The following FREM3 variants were observed in gnomAD, a reference collection of about 807,000 sequenced individuals.
The protein encoded by FREM3 is FRAS1 related extracellular matrix 3.
In FREM3, 105 loss-of-function variants were observed where a neutral mutation model predicts 129.1. The ratio of observed to expected loss-of-function variants is 0.81; its 90% confidence interval spans 0.69 to 0.96. The LOEUF (loss-of-function observed/expected upper bound fraction) is 0.96, where lower values mean the gene tolerates loss of function less well. FREM3 is among the 40% of genes least tolerant of loss of function. The probability of loss-of-function intolerance (pLI) is 0.00; values close to 1 mark genes in which losing one functional copy is unlikely to be tolerated. For synonymous variants in FREM3, 1,014 were observed against 1,044.9 expected (o/e 0.97, Z 0.57); for missense variants, 2,593 against 2,666.3 (o/e 0.97, Z 0.61).
intron 7 of FREM3, among the ~76,000 whole-genome samples, chr4:143,583,680 C>G (rs577490808): frequency 1.3e-5 from 2 of 151,826 alleles, no homozygotes; most frequent in South Asian, 2.1e-4. Context: ...AAAAGAATCT[C>G]AACCAAGAAT....
At position 143,696,808 on chromosome 4, in the gene FREM3, T is replaced by A. The variant is rs754369685; in HGVS notation, c.3868A>T (p.Thr1290Ser). The part of the protein sequence containing the change: ...FEVWLSDGKH[T>S]THRKVPIVVT... ...ACAATGGGTACCTTCCTGTGGGTTG[T>A]GTGCTTGCCGTCACTCAGCCAGACC... The change falls in exon 1 of 8, where the codon ACA becomes TCA. Residue 1290 changes from threonine (T) to serine (S), a missense_variant. Physicochemically the swap from Thr to Ser is moderately conservative, Grantham distance 58. This residue lies in a region of FREM3 where 2,276 missense variants were observed against 2,267.2 expected (regional missense o/e 1.00). Coordinates refer to ENST00000329798, the MANE Select transcript of FREM3 (RefSeq NM_001168235.2). The A allele has an allele frequency of 6.5e-7, 1 of 1,537,818 alleles. No homozygotes were observed. The highest frequency in any genetic ancestry group is 1.2e-5 in the South Asian group (1 of 84,056).
chr4:143,581,256 T>G (rs1168784695), intron 7 of FREM3, among the ~76,000 whole-genome samples: 1 of 152,218 alleles, frequency 6.6e-6, no homozygotes, highest in Non-Finnish European at 1.5e-5. Context: ...CATTGGCGGC[T>G]CTGCATTTCT....
chr4:143,661,359 G>T lies in FREM3; in HGVS notation c.5275+31754C>A, dbSNP rs557914723. On this transcript the variant is annotated intron_variant, in intron 2 of 7. Transcript: ENST00000329798. ...CTATTGAGATAATCAAGTGGTTTTT[G>T]TCTTTGGTTCTGTTTATATGCTGGA... Among the ~76,000 whole-genome samples, 34 of 152,152 alleles carry T rather than the reference G, an allele frequency of 2.2e-4. 1 individual carries two copies. In the South Asian group the frequency reaches 6.9e-3, roughly 31 times the overall value.
intron 2 of FREM3, among the ~76,000 whole-genome samples, chr4:143,647,224 T>C (rs929605184): frequency 7.1e-6 from 1 of 141,004 alleles, no homozygotes; most frequent in African/African-American, 2.5e-5. Flanking sequence ...TTCAGAGATA[T>C]GATTTAAGAT....
Position 143,697,340 on chromosome 4 carries a change from C to A in FREM3, c.3336G>T (p.Gln1112His). 1 of 1,537,178 alleles carries A rather than the reference C, an allele frequency of 6.5e-7. No individual in the cohort carries two copies. Among genetic ancestry groups the A allele is most frequent in the Non-Finnish European group, 8.7e-7 (1 of 1,146,856 alleles). ...TCTTTTCCAGGTAGCCAGAGGCTGG[C>A]TGACTAGTCACTGTGCAGAGGAGTT... ...QDELLCTVTS[Q>H]PASGYLEKIA... is the part of the protein sequence containing the mutation. The change falls in exon 1 of 8, where the codon CAG becomes CAT. Residue 1112 changes from glutamine (Q) to histidine (H), a missense_variant. Coordinates refer to ENST00000329798, the MANE Select transcript of FREM3 (RefSeq NM_001168235.2).
chr4:143,663,053 T>A (rs950467158), intron 2 of FREM3, among the ~76,000 whole-genome samples: 1 of 152,150 alleles, frequency 6.6e-6, no homozygotes, highest in Non-Finnish European at 1.5e-5. Flanking sequence ...CCACTCTGCG[T>A]CTTTTAATTG....
intron 2 of FREM3, among the ~76,000 whole-genome samples, chr4:143,644,402 T>C (rs1050380830): frequency 6.6e-6 from 1 of 152,196 alleles, no homozygotes; most frequent in Non-Finnish European, 1.5e-5. Context: ...AGAATGAGTA[T>C]CTAATAATAA....
intron 6 of FREM3, among the ~76,000 whole-genome samples, chr4:143,608,342 G>A (rs1425791612): frequency 1.3e-5 from 2 of 152,106 alleles, no homozygotes; most frequent in Non-Finnish European, 2.9e-5. Flanking sequence ...TCTTTTGTAA[G>A]GTGGTCCCCA....
In FREM3 at chr4:143,699,904, A is replaced by T; in HGVS notation, c.772T>A (p.Ser258Thr). The change falls in exon 1 of 8, where the codon TCC (serine) becomes ACC (threonine). Residue 258 changes from serine to threonine, a missense_variant. By Grantham distance (58) the Ser-to-Thr change is moderately conservative (BLOSUM62 1). Coordinates refer to ENST00000329798, the MANE Select transcript of FREM3 (RefSeq NM_001168235.2). This position sits in a 1 kb window ranked among gnomAD's most constrained non-coding sequence, Gnocchi z 4.2. ...GGCACGTAGTCACGGTTGGGCGAGG[A>T]GGTGGCTGTGTGCTGATAGCGCACC... is the stretch of plus-strand genomic sequence containing the variant. ...AGVRYQHTAT[S>T]SPNRDYVPMM... 2 of 1,536,496 alleles carry T rather than the reference A, an allele frequency of 1.3e-6. No homozygotes were observed. Among genetic ancestry groups the T allele is most frequent in the Non-Finnish European group, 1.7e-6 (2 of 1,146,754 alleles).
chr4:143,697,630 T>G lies in FREM3; in HGVS notation c.3046A>C (p.Arg1016=). The G allele has an allele frequency of 6.5e-7, 1 of 1,537,828 alleles. No homozygotes were observed. The highest frequency in any genetic ancestry group is 8.7e-7 in the Non-Finnish European group (1 of 1,147,040). ...RFTQEDLING[R]VAYAHTAGEV... Reference sequence around the variant, plus strand: ...CCTGCAGTGTGGGCATAGGCTACTCTCCCATTGATGAGATCCTCTTGGGTG... The same window carrying G: ...CCTGCAGTGTGGGCATAGGCTACTCGCCCATTGATGAGATCCTCTTGGGTG... The change falls in exon 1 of 8, where the codon AGA becomes CGA. Residue 1016 remains arginine, a synonymous_variant. Coordinates refer to ENST00000329798, the MANE Select transcript of FREM3 (RefSeq NM_001168235.2).
chr4:143,595,695 G>T (rs964220316), intron 6 of FREM3, among the ~76,000 whole-genome samples: 1 of 152,144 alleles, frequency 6.6e-6, no homozygotes, highest in South Asian at 2.1e-4. Flanking sequence ...AGACCATCCT[G>T]GCTAACACGG....
chr4:143,590,475 T>C (rs1475402743), intron 6 of FREM3, among the ~76,000 whole-genome samples: 1 of 152,216 alleles, frequency 6.6e-6, no homozygotes, highest in East Asian at 1.9e-4. Flanking sequence ...CAAAGGCCTT[T>C]TCTGCATCTA....
rs1305814320 is a variant in FREM3, at chr4:143,697,066, G to A, written c.3610C>T (p.Leu1204=). 1.3e-6 allele frequency: 2 copies of A among 1,537,470 alleles called. No homozygotes were observed. The highest frequency in any genetic ancestry group is 1.4e-5 in the African/African-American group (1 of 73,026). The stretch of plus-strand genomic sequence containing the variant: ...TCTATGACCAGGCTCATCCCCTCTA[G>A]TACCTTAAACTCATGGGCAAAAAGT... The part of the protein sequence containing the change: ...PKLFAHEFKV[L]EGMSLVIDTQ... The change falls in exon 1 of 8, where the codon CTA becomes TTA. Residue 1204 remains leucine (L), a synonymous_variant. Transcript: ENST00000329798.
rs1411553732 is a variant in FREM3 at position 143,585,750 on chromosome 4, T to G, written c.6178+94A>C. ...CAGAGAAACTTTCATTCAGAGTCCA[T>G]CAACAAAGACTAAGCATGCTTACAC... is the stretch of plus-strand genomic sequence containing the variant. On this transcript the variant is annotated intron_variant, in intron 7 of 7. Coordinates refer to ENST00000329798, the MANE Select transcript of FREM3 (RefSeq NM_001168235.2). The surrounding 1 kb of genome is among the most constrained non-coding windows in gnomAD (Gnocchi z 4.2). 2.3e-6 allele frequency: 3 copies of G among 1,279,622 alleles called. No homozygotes were observed. In the African/African-American group the frequency reaches 4.5e-5, roughly 19 times the overall value. The allele number at this position is 1,279,622 out of a possible 1,614,324, so 79.3% of individuals were successfully genotyped here. A position where few individuals can be genotyped will look rare whatever the true frequency, so the allele number is the denominator to read the frequency against.
intron 6 of FREM3, among the ~76,000 whole-genome samples, chr4:143,600,804 C>A (rs1388877440): frequency 6.6e-6 from 1 of 152,194 alleles, no homozygotes; most frequent in Non-Finnish European, 1.5e-5. Flanking sequence ...TTACTAAATG[C>A]AGAAGAACTT....
chr4:143,604,395 C>T (rs1460452177), intron 6 of FREM3, among the ~76,000 whole-genome samples: 4 of 152,160 alleles, frequency 2.6e-5, no homozygotes, highest in African/African-American at 9.7e-5. Context: ...CTTCTTCACT[C>T]TCTGGAGCAC....
chr4:143,675,696 T>C (rs1387805385), intron 2 of FREM3, among the ~76,000 whole-genome samples: 1 of 152,044 alleles, frequency 6.6e-6, no homozygotes, highest in African/African-American at 2.4e-5. Context: ...CAATAAAAAA[T>C]GATAAAGGGG....
At chr4:143,603,455 T>C (rs1041717680) in intron 6 of FREM3, among the ~76,000 whole-genome samples, 1 of 152,192 alleles carries the variant, frequency 6.6e-6, no homozygotes, top group African/African-American at 2.4e-5. Flanking sequence ...CCCAGTTGTC[T>C]CTGATTATGA....
At chr4:143,659,179 G>C (rs1462769831) in intron 2 of FREM3, among the ~76,000 whole-genome samples, 1 of 151,138 alleles carries the variant, frequency 6.6e-6, no homozygotes, top group Non-Finnish European at 1.5e-5. Flanking sequence ...TGCCATGCTG[G>C]TGTGCTGCAC....
Sources: gnomAD v4.1 joint callset for allele counts (sites outside exome capture counted in the v4.1 genomes callset) on GRCh38, gnomAD v4.1.1 for gene constraint, gnomAD v4.1.1 regional missense constraint, Gnocchi (gnomAD v3.1) non-coding constraint, MANE v1.5 for transcripts, NCBI Gene and HGNC (gene_info 2026-07-23, HGNC 2026-07-21) for gene names.